IL1RAPL1: variants seen among roughly 807,000 people sequenced by gnomAD.
IL1RAPL1 encodes interleukin-1 receptor accessory protein-like 1.
IL1RAPL1 carries 3 observed loss-of-function variants against 48.4 expected under a neutral mutation model. That is an observed-to-expected ratio of 0.06 (90% confidence interval 0.03 to 0.16). The LOEUF (loss-of-function observed/expected upper bound fraction) is 0.16, where lower values mean the gene tolerates loss of function less well. IL1RAPL1 is among the 10% of genes least tolerant of loss of function. The pLI is 1.00. For synonymous variants in IL1RAPL1, 185 were observed against 187.7 expected (o/e 0.99, Z 0.12); for missense variants, 349 against 530.6 (o/e 0.66, Z 3.36).
intron 2 of IL1RAPL1, among the ~76,000 whole-genome samples, chrX:28,844,564 T>A (rs1227486275): frequency 9.1e-6 from 1 of 110,149 alleles, no homozygotes; most frequent in Non-Finnish European, 1.9e-5. Flanking sequence ...CTGGGTTAGC[T>A]GTTGTGGGTA....
At chrX:29,491,475 T>A (rs1217096064) in intron 5 of IL1RAPL1, among the ~76,000 whole-genome samples, 1 of 112,364 alleles carries the variant, frequency 8.9e-6, no homozygotes, top group African/African-American at 3.2e-5. Context: ...AAATTATGGC[T>A]CATTGATGAA....
intron 2 of IL1RAPL1, among the ~76,000 whole-genome samples, chrX:28,980,465 T>C (rs976597505): frequency 8.9e-6 from 1 of 112,528 alleles, no homozygotes; most frequent in African/African-American, 3.2e-5. Flanking sequence ...TTTATATTAA[T>C]TTCTTACATA....
At chrX:28,768,755 C>CTCTCTCTCTCTATATA (rs1364972830) in intron 1 of IL1RAPL1, among the ~76,000 whole-genome samples, 2 of 34,888 alleles carry the variant, frequency 5.7e-5, no homozygotes, top group Non-Finnish European at 9.5e-5. Flanking sequence ...CTCTCTCTCT[C>CTCTCTCTCTCTATATA]TATATATATA....
intron 3 of IL1RAPL1, among the ~76,000 whole-genome samples, chrX:29,367,028 A>G (rs778628030): frequency 8.2e-4 from 92 of 111,747 alleles, no homozygotes; most frequent in African/African-American, 2.9e-3. Flanking sequence ...AGCTTGATCT[A>G]GTGATATAGT....
chrX:29,283,316 T>C, intron 3 of IL1RAPL1, 99 bp downstream of exon 3: 1 of 849,219 alleles, frequency 1.2e-6, no homozygotes, highest in Non-Finnish European at 1.7e-6. Context: ...AGCCGTTGTC[T>C]CAATATTTGC....
At chrX:29,543,115 T>TTC (rs59836290) in intron 5 of IL1RAPL1, among the ~76,000 whole-genome samples, 30,248 of 91,263 alleles carry the variant, frequency 0.33, 4,337 homozygotes, top group East Asian at 0.53. Context: ...ATCTGTTCGT[T>TTC]TCTCTCTCTC....
At chrX:29,115,579 T>C (rs777641395) in intron 2 of IL1RAPL1, among the ~76,000 whole-genome samples, 1 of 110,433 alleles carries the variant, frequency 9.1e-6, no homozygotes, top group Non-Finnish European at 1.9e-5. Context: ...GGCATATCTT[T>C]AGCTCGTATC....
chrX:29,863,571 G>T (rs12859119), intron 6 of IL1RAPL1, among the ~76,000 whole-genome samples: 11 of 111,473 alleles, frequency 9.9e-5, no homozygotes, highest in Non-Finnish European at 1.7e-4. Context: ...TCTCATGAGA[G>T]AAAAGTTTAT....
chrX:29,579,029 G>A (rs1268677293), intron 5 of IL1RAPL1, among the ~76,000 whole-genome samples: 1 of 111,277 alleles, frequency 9.0e-6, no homozygotes, highest in Non-Finnish European at 1.9e-5. Flanking sequence ...GGGATGAAGG[G>A]GTTGACTGAG....
chrX:29,449,780 C>CACACACAGAGAGAGAGAGAG (rs557765024), intron 5 of IL1RAPL1, among the ~76,000 whole-genome samples: 1 of 58,277 alleles, frequency 1.7e-5, no homozygotes, highest in African/African-American at 7.5e-5. Flanking sequence ...CACACACACA[C>CACACACAGAGAGAGAGAGAG]AGAGAGAGAG....
chrX:29,160,016 T>C (rs140034586), intron 2 of IL1RAPL1, among the ~76,000 whole-genome samples: 81 of 112,194 alleles, frequency 7.2e-4, no homozygotes, highest in African/African-American at 2.6e-3. Context: ...CAGCCTCTTT[T>C]CTTCTTAAAT....
intron 1 of IL1RAPL1, among the ~76,000 whole-genome samples, chrX:28,644,145 T>C (rs1167461979): frequency 9.0e-6 from 1 of 111,610 alleles, no homozygotes; most frequent in Non-Finnish European, 1.9e-5. Context: ...TATACTCTTC[T>C]AGCTTCCAGA....
intron 3 of IL1RAPL1, among the ~76,000 whole-genome samples, chrX:29,308,849 A>AC (rs1932663591): frequency 8.9e-6 from 1 of 111,805 alleles, no homozygotes; most frequent in East Asian, 2.8e-4. Context: ...AGGATGAGTA[A>AC]CTCTTTCCAA....
intron 6 of IL1RAPL1, 38 bp downstream of exon 6, chrX:29,668,542 C>G (rs59704075): frequency 1.0e-6 from 1 of 966,224 alleles, no homozygotes; most frequent in Non-Finnish European, 1.5e-6. Context: ...ATGCTGCTCT[C>G]GTTACATTGT....
intron 5 of IL1RAPL1, among the ~76,000 whole-genome samples, chrX:29,639,161 G>A (rs1200605703): frequency 9.4e-6 from 1 of 105,973 alleles, no homozygotes; most frequent in Non-Finnish European, 1.9e-5. Context: ...ACTCCAGCAT[G>A]GGCGACAAAG....
chrX:28,733,227 A>C (rs1176017781), intron 1 of IL1RAPL1, among the ~76,000 whole-genome samples: 1 of 111,190 alleles, frequency 9.0e-6, no homozygotes, highest in East Asian at 2.8e-4. Context: ...GTTAACAGTA[A>C]TTATATGTAT....
At chrX:29,633,494 CACACACACAT>C (rs1379028302) in intron 5 of IL1RAPL1, among the ~76,000 whole-genome samples, 87 of 109,561 alleles carry the variant, frequency 7.9e-4, no homozygotes, top group African/African-American at 2.8e-3. Context: ...CACACACACA[CACACACACAT>C]ATATATGATA....
At chrX:29,832,432 A>G (rs1569181504) in intron 6 of IL1RAPL1, among the ~76,000 whole-genome samples, 1 of 111,495 alleles carries the variant, frequency 9.0e-6, no homozygotes, top group Non-Finnish European at 1.9e-5. Context: ...TGGGGGTGTG[A>G]GTCGGGAATT....
intron 2 of IL1RAPL1, among the ~76,000 whole-genome samples, chrX:28,876,236 A>G (rs1408018140): frequency 8.9e-6 from 1 of 111,823 alleles, no homozygotes; most frequent in African/African-American, 3.3e-5. Context: ...GGAAGACTCC[A>G]AGTGGAATGC....
Sources: allele counts gnomAD v4.1 joint callset (sites outside exome capture counted in the v4.1 genomes callset), GRCh38; gene constraint gnomAD v4.1.1; transcripts MANE v1.5; gene names NCBI Gene and HGNC (gene_info 2026-07-23, HGNC 2026-07-21).